GALNTL6: variants seen among roughly 807,000 people sequenced by gnomAD.
The protein encoded by GALNTL6 is polypeptide N-acetylgalactosaminyltransferase like 6.
Under a neutral mutation model 73.7 loss-of-function variants are expected in GALNTL6, and 46 were observed. That is an observed-to-expected ratio of 0.62 (90% CI 0.49 to 0.80). GALNTL6 has a LOEUF of 0.80. Ranked by LOEUF, GALNTL6 falls within the 30% of genes least tolerant of loss-of-function variation. GALNTL6 has a pLI of 0.00. For synonymous variants in GALNTL6, 259 were observed against 263.7 expected (o/e 0.98, Z 0.17); for missense variants, 604 against 755.0 (o/e 0.80, Z 2.34).
intron 2 of GALNTL6, among the ~76,000 whole-genome samples, chr4:172,079,718 T>C (rs1196804357): frequency 6.6e-6 from 1 of 152,132 alleles, no homozygotes; most frequent in African/African-American, 2.4e-5. Context: ...TCTGTGTATT[T>C]GGAATTGAAT....
At chr4:172,625,174 CTA>C (rs1411458743) in intron 5 of GALNTL6, among the ~76,000 whole-genome samples, 2 of 151,974 alleles carry the variant, frequency 1.3e-5, no homozygotes, top group Non-Finnish European at 2.9e-5. Context: ...CCTCATCACT[CTA>C]TATATTTCTT....
chr4:172,583,970 C>T (rs1284943110), intron 5 of GALNTL6, among the ~76,000 whole-genome samples: 2 of 148,970 alleles, frequency 1.3e-5, no homozygotes, highest in African/African-American at 4.9e-5. Context: ...GATTCAAAAT[C>T]TTCTGGTTCA....
At chr4:172,135,951 G>C (rs35379123) in intron 2 of GALNTL6, among the ~76,000 whole-genome samples, 72,359 of 151,958 alleles carry the variant, frequency 0.48, 17,992 homozygotes, top group African/African-American at 0.6. Flanking sequence ...AAAAGACAGA[G>C]ATACCAATTT....
At chr4:172,637,520 T>A (rs1282395781) in intron 5 of GALNTL6, among the ~76,000 whole-genome samples, 2 of 152,162 alleles carry the variant, frequency 1.3e-5, no homozygotes, top group Non-Finnish European at 2.9e-5. Flanking sequence ...AAAATATTAA[T>A]CACGTTGATT....
At position 172,538,161 on chromosome 4, in the gene GALNTL6, T is replaced by C. The variant is rs560393023; in HGVS notation, c.553+189472T>C. ...ACATCAGAGAAGAGGTAAAATGAACTTCAAGATTTCAAACCATGGCCAGGC... is the reference window on the plus strand; with the variant it reads ...ACATCAGAGAAGAGGTAAAATGAACCTCAAGATTTCAAACCATGGCCAGGC... On this transcript the variant is annotated intron_variant, in intron 5 of 12. Transcript: ENST00000506823. Among the ~76,000 whole-genome samples the C allele has an allele frequency of 1.4e-4, 21 of 152,176 alleles. 1 individual carries two copies. In the South Asian group the frequency reaches 4.2e-3, roughly 30 times the overall value.
intron 5 of GALNTL6, among the ~76,000 whole-genome samples, chr4:172,563,268 C>T (rs1415162927): frequency 6.6e-6 from 1 of 152,116 alleles, no homozygotes; most frequent in Non-Finnish European, 1.5e-5. Context: ...CCTTCTCTCC[C>T]CCATGATAAC....
chr4:171,843,027 G>A (rs754821434), intron 2 of GALNTL6, among the ~76,000 whole-genome samples: 2 of 152,012 alleles, frequency 1.3e-5, no homozygotes, highest in Non-Finnish European at 2.9e-5. Context: ...TAGTTAGATC[G>A]TGCACTTTTT....
intron 2 of GALNTL6, among the ~76,000 whole-genome samples, chr4:172,122,700 TCAGAAGAGC>T (rs1733185716): frequency 6.6e-6 from 1 of 152,164 alleles, no homozygotes; most frequent in African/African-American, 2.4e-5. Context: ...CCCTTCTGGG[TCAGAAGAGC>T]CCAGCCACAA....
At chr4:172,934,505 T>C (rs1748509479) in intron 9 of GALNTL6, among the ~76,000 whole-genome samples, 1 of 152,234 alleles carries the variant, frequency 6.6e-6, no homozygotes, top group Non-Finnish European at 1.5e-5. Flanking sequence ...CATCACTTTG[T>C]CATTTCCCAC....
chr4:172,348,876 G>T (rs1741845530), intron 5 of GALNTL6, among the ~76,000 whole-genome samples, 187 bp downstream of exon 5: 1 of 152,164 alleles, frequency 6.6e-6, no homozygotes. Context: ...GAAGCTATAG[G>T]TTTCATTTGG....
intron 5 of GALNTL6, among the ~76,000 whole-genome samples, chr4:172,799,575 ACATT>A (rs1740487664): frequency 6.6e-6 from 1 of 152,188 alleles, no homozygotes; most frequent in African/African-American, 2.4e-5. Flanking sequence ...GATTTCCTCC[ACATT>A]CAACCAAAAT....
At chr4:172,667,624 TG>T (rs1731743382) in intron 5 of GALNTL6, 1 of 152,332 alleles carries the variant, frequency 6.6e-6, no homozygotes, top group African/African-American at 2.4e-5. Flanking sequence ...ACATTCTTTT[TG>T]GGGTGGCATC....
At chr4:172,894,597 T>C (rs140084624) in intron 8 of GALNTL6, among the ~76,000 whole-genome samples, 200 of 152,304 alleles carry the variant, frequency 1.3e-3, no homozygotes, top group African/African-American at 4.6e-3. Context: ...CGGCCTAACA[T>C]ATAGTTTATT....
At chr4:171,929,833 A>G (rs531234696) in intron 2 of GALNTL6, among the ~76,000 whole-genome samples, 2 of 152,310 alleles carry the variant, frequency 1.3e-5, no homozygotes, top group Admixed American at 6.5e-5. Flanking sequence ...GCCAACAGCG[A>G]ATCCAGCAGC....
chr4:172,327,500 T>C (rs1474023962), intron 4 of GALNTL6, among the ~76,000 whole-genome samples: 1 of 152,136 alleles, frequency 6.6e-6, no homozygotes, highest in Admixed American at 6.6e-5. Context: ...GGTGTTGAAG[T>C]CTCCCAGTGT....
At chr4:172,517,238 T>C (rs1734637908) in intron 5 of GALNTL6, among the ~76,000 whole-genome samples, 1 of 152,186 alleles carries the variant, frequency 6.6e-6, no homozygotes, top group Non-Finnish European at 1.5e-5. Context: ...ACCCATATTT[T>C]AGTTTCTGGG....
intron 2 of GALNTL6, among the ~76,000 whole-genome samples, chr4:172,008,450 A>G (rs1421693268): frequency 1.3e-5 from 2 of 151,110 alleles, no homozygotes; most frequent in Non-Finnish European, 2.9e-5. Flanking sequence ...TTGTTTCTGC[A>G]TCAACTTTCT....
chr4:172,560,215 C>T (rs905137730), intron 5 of GALNTL6, among the ~76,000 whole-genome samples: 9 of 152,038 alleles, frequency 5.9e-5, no homozygotes, highest in East Asian at 1.9e-4. Context: ...TGATGGTTCA[C>T]GGCTGTAGCT....
chr4:172,664,037 G>T (rs1451955559), intron 5 of GALNTL6, among the ~76,000 whole-genome samples: 1 of 152,028 alleles, frequency 6.6e-6, no homozygotes, highest in East Asian at 1.9e-4. Context: ...ATTCTAAAGA[G>T]ATTCACATTC....
Sources: gnomAD v4.1 joint callset for allele counts (sites outside exome capture counted in the v4.1 genomes callset) on GRCh38, gnomAD v4.1.1 for gene constraint, MANE v1.5 for transcripts, NCBI Gene and HGNC (gene_info 2026-07-23, HGNC 2026-07-21) for gene names.